RP1: variants seen among roughly 807,000 people sequenced by gnomAD.
RP1 encodes oxygen-regulated protein 1.
In RP1, 16 loss-of-function variants were observed where a neutral mutation model predicts 14.8. That is an observed-to-expected ratio of 1.08 (90% CI 0.73 to 1.65). The LOEUF (loss-of-function observed/expected upper bound fraction) is 1.65, where lower values mean the gene tolerates loss of function less well. RP1 is among the 40% of genes most tolerant of loss of function. The pLI is 0.00. For missense variants in RP1, 2,631 were observed against 2,535.0 expected, an observed-to-expected ratio of 1.04 and a Z score of -0.81; for synonymous variants, 876 against 883.6, an observed-to-expected ratio of 0.99 and a Z score of 0.15.
chr8:54,779,389 C>G (rs1810126628), intron 23 of RP1, among the ~76,000 whole-genome samples: 1 of 152,142 alleles, frequency 6.6e-6, no homozygotes, highest in Non-Finnish European at 1.5e-5. Context: ...CTCAGTATGC[C>G]CAACTAACAA....
At chr8:54,863,207 C>T (rs927692937) in intron 27 of RP1, among the ~76,000 whole-genome samples, 3 of 151,884 alleles carry the variant, frequency 2.0e-5, no homozygotes, top group African/African-American at 7.3e-5. Context: ...TGCAATATTG[C>T]AGTGAAACAC....
chr8:54,593,399 T>C (rs1175483905), intron 1 of RP1, among the ~76,000 whole-genome samples: 1 of 152,218 alleles, frequency 6.6e-6, no homozygotes, highest in Non-Finnish European at 1.5e-5. Context: ...CTGCTACTAG[T>C]GTATCACCTT....
At chr8:54,824,593 TA>T (rs1297461608) in intron 24 of RP1, among the ~76,000 whole-genome samples, 3 of 152,156 alleles carry the variant, frequency 2.0e-5, no homozygotes, top group Non-Finnish European at 4.4e-5. Flanking sequence ...TAAAACGAGA[TA>T]AACACATCCC....
chr8:54,732,893 G>A (rs188181494), intron 17 of RP1, among the ~76,000 whole-genome samples: 9 of 152,302 alleles, frequency 5.9e-5, no homozygotes, highest in Admixed American at 1.3e-4. Flanking sequence ...GCCTGGGTTT[G>A]AAGTTTAGTT....
intron 2 of RP1, among the ~76,000 whole-genome samples, chr8:54,621,796 T>A: frequency 6.6e-6 from 1 of 152,094 alleles, no homozygotes. Flanking sequence ...CTTTCTCTCT[T>A]CCCTGAGCCC....
At chr8:54,618,374 G>A (rs892142468) in intron 1 of RP1, among the ~76,000 whole-genome samples, 24 of 151,996 alleles carry the variant, frequency 1.6e-4, no homozygotes, top group African/African-American at 5.8e-4. Flanking sequence ...AGCCAAAACC[G>A]ACAAACAAAA....
intron 1 of RP1, among the ~76,000 whole-genome samples, chr8:54,562,642 C>G (rs977591838): frequency 6.6e-6 from 1 of 150,810 alleles, no homozygotes; most frequent in Non-Finnish European, 1.5e-5. Context: ...CCATGGCACT[C>G]TAGCCTGGGT....
intron 1 of RP1, chr8:54,561,846 A>G (rs1294223158): frequency 6.6e-6 from 1 of 152,192 alleles, no homozygotes; most frequent in Non-Finnish European, 1.5e-5. Context: ...ATATATCCTG[A>G]TAATATATGA....
chr8:54,584,485 G>A (rs955825275), intron 1 of RP1, among the ~76,000 whole-genome samples: 13 of 152,296 alleles, frequency 8.5e-5, no homozygotes, highest in Admixed American at 3.9e-4. Context: ...CTATTGATTT[G>A]GGGTGGAGAG....
At chr8:54,571,181 G>C (rs1032208682) in intron 1 of RP1, among the ~76,000 whole-genome samples, 1 of 152,144 alleles carries the variant, frequency 6.6e-6, no homozygotes, top group Non-Finnish European at 1.5e-5. Context: ...TACTCTGTTG[G>C]GTGCTAAATC....
intron 12 of RP1, among the ~76,000 whole-genome samples, chr8:54,682,835 G>GA (rs1271154271): frequency 6.6e-6 from 1 of 151,974 alleles, no homozygotes; most frequent in Admixed American, 6.6e-5. Flanking sequence ...TTCTTTTGTT[G>GA]AAATTGCTTT....
intron 1 of RP1, among the ~76,000 whole-genome samples, chr8:54,609,351 G>C (rs933163993): frequency 1.3e-5 from 2 of 152,050 alleles, no homozygotes; most frequent in Non-Finnish European, 2.9e-5. Flanking sequence ...CTACTCAGGA[G>C]GTTTAGGCTG....
At chr8:54,701,434 A>C (rs1401397822) in intron 13 of RP1, 37 of 1,454,532 alleles carry the variant, frequency 2.5e-5, no homozygotes, top group Admixed American at 8.2e-5. Flanking sequence ...GATTACATTA[A>C]ATTTTTTTTT....
chr8:54,754,899 C>T (rs1367660877), exon 20 of RP1: 2 of 1,527,514 alleles, frequency 1.3e-6, no homozygotes, highest in Non-Finnish European at 1.8e-6. Context: ...TGTCTGTGAG[C>T]TTCCTGTAGT....
In RP1 at chr8:54,628,019, A is replaced by G. The variant is rs1271706570; in HGVS notation, c.4137A>G (p.Glu1379=). ...ATCTAAATATTTTGACAGACCCTGA[A>G]TATAAAAATGGATTTAATACATTGG... ...QKDLNILTDP[E]YKNGFNTLVS... Residue 1379 remains glutamate, a synonymous_variant, in exon 4 of 4, where the codon GAA becomes GAG. Transcript: ENST00000220676. 2 of 1,613,942 alleles carry G rather than the reference A, an allele frequency of 1.2e-6. No homozygotes were observed. The highest frequency in any genetic ancestry group is 1.3e-5 in the African/African-American group (1 of 74,938).
downstream of RP1, among the ~76,000 whole-genome samples, chr8:54,635,613 A>G (rs554212203): frequency 6.6e-6 from 1 of 152,290 alleles, no homozygotes; most frequent in Admixed American, 6.5e-5. Context: ...TAGGATTGAC[A>G]TAATATTTGA....
intron 14 of RP1, chr8:54,706,369 T>G: frequency 7.0e-7 from 1 of 1,426,092 alleles, no homozygotes; most frequent in Non-Finnish European, 9.5e-7. Context: ...GAGAATTGCC[T>G]CTATAGTTGT....
At chr8:54,854,432 C>A (rs140929778) in intron 26 of RP1, among the ~76,000 whole-genome samples, 1 of 152,306 alleles carries the variant, frequency 6.6e-6, no homozygotes, top group Admixed American at 6.5e-5. Context: ...AAAATCACAA[C>A]TTCTATTTTA....
chr8:54,634,438 G>A (rs1806309359), downstream of RP1, among the ~76,000 whole-genome samples: 1 of 152,222 alleles, frequency 6.6e-6, no homozygotes, highest in East Asian at 1.9e-4. Flanking sequence ...CATTATCTGT[G>A]TTTTTACAAT....
Sources: gnomAD v4.1 joint callset for allele counts (sites outside exome capture counted in the v4.1 genomes callset) on GRCh38, gnomAD v4.1.1 for gene constraint, MANE v1.5 for transcripts, NCBI Gene and HGNC (gene_info 2026-07-23, HGNC 2026-07-21) for gene names.